ITIH6: variants seen among roughly 807,000 people sequenced by gnomAD.
ITIH6 encodes the protein inter-alpha-trypsin inhibitor heavy chain family member 6.
Under a neutral mutation model 58.2 loss-of-function variants are expected in ITIH6, and 60 were observed. That is an observed-to-expected ratio of 1.03 (90% CI 0.84 to 1.28). The LOEUF is 1.28. Ranked by LOEUF, ITIH6 falls within the 50% of genes most tolerant of loss-of-function variation. The pLI, the probability that ITIH6 is intolerant of heterozygous loss-of-function variation, is 0.00. For missense variants in ITIH6, 1,290 were observed against 1,021.1 expected (o/e 1.26, Z -3.59); for synonymous variants, 493 against 417.4 (o/e 1.18, Z -2.21).
chrX:54,777,386 C>T (rs1356322211), intron 5 of ITIH6, among the ~76,000 whole-genome samples: 1 of 112,768 alleles, frequency 8.9e-6, no homozygotes. Flanking sequence ...AACTCACTAT[C>T]CCAAAGTGAA....
At chrX:54,751,659 A>T (rs1173067456) in intron 11 of ITIH6, among the ~76,000 whole-genome samples, 1 of 112,248 alleles carries the variant, frequency 8.9e-6, no homozygotes, top group Non-Finnish European at 1.9e-5. Context: ...TTATGTTCAT[A>T]TGAGTAAGTC....
chrX:54,790,864 C>T lies in ITIH6; in HGVS notation c.589G>A (p.Gly197Ser), dbSNP rs760884349. 44 of 1,210,925 alleles carry T rather than the reference C, an allele frequency of 3.6e-5. No individual in the cohort carries two copies. Among genetic ancestry groups the T allele is most frequent in the South Asian group, 1.4e-4 (8 of 56,931 alleles). Residue 197 changes from glycine (G) to serine (S), a missense_variant, in exon 4 of 13, where the codon GGC (glycine) becomes AGC (serine). Gly to Ser is a moderately conservative substitution (Grantham distance 56). Coordinates refer to ENST00000218436, the MANE Select transcript of ITIH6 (RefSeq NM_198510.3). ...GCATGGGCATTGGTGCGCAGACGGC[C>T]GGTCCTCAGGGGTGGTATGTGCACA... is the stretch of plus-strand genomic sequence containing the variant. ...SYVHIPPLRT[G>S]RLRTNAHASE...
At chrX:54,753,589 G>T in intron 11 of ITIH6, 62 bp downstream of exon 11, 10 of 813,730 alleles carry the variant, frequency 1.2e-5, no homozygotes, top group South Asian at 2.1e-5. Context: ...CAAATGTCTA[G>T]GGGTATTGAC....
In ITIH6 at chrX:54,749,247, G is replaced by C. The variant is rs992272707; in HGVS notation, c.*648C>G. On this transcript the variant is annotated 3_prime_UTR_variant, in exon 13 of 13. Coordinates refer to ENST00000218436, the MANE Select transcript of ITIH6 (RefSeq NM_198510.3). ...GGGGATACATAGATGATTCAGAAAA[G>C]GTCCTTGCCCTCAAAGATCTCACAG... 1.8e-5 allele frequency: 2 copies of C among 111,509 alleles called. No individual in the cohort carries two copies. Among genetic ancestry groups the C allele is most frequent in the African/African-American group, 6.5e-5 (2 of 30,569 alleles). The allele number at this position is 111,509 out of a possible 1,213,427, so 9.2% of individuals were successfully genotyped here. A position where few individuals can be genotyped will look rare whatever the true frequency, so the allele number is the denominator to read the frequency against.
chrX:54,755,032 C>G lies in ITIH6; in HGVS notation c.3187G>C (p.Val1063Leu), dbSNP rs1928458221. 5 of 1,208,906 alleles carry G rather than the reference C, an allele frequency of 4.1e-6. No individual in the cohort carries two copies. Among genetic ancestry groups the G allele is most frequent in the Middle Eastern group, 2.3e-4 (1 of 4,362 alleles). Residue 1063 changes from valine (V) to leucine (L), a missense_variant, in exon 9 of 13, where the codon GTG becomes CTG. Physicochemically the swap from Val to Leu is conservative, Grantham distance 32. Transcript: ENST00000218436. Reference sequence around the variant, plus strand: ...CCTTGCTCACCTTTTGCTAACCCCACAGAACTTCCTTGAGATTCCATGCTG... The same window carrying G: ...CCTTGCTCACCTTTTGCTAACCCCAGAGAACTTCCTTGAGATTCCATGCTG... ...GGSMESQGSS[V>L]GLAKGTLPSI... is the part of the protein sequence containing the mutation.
At position 54,798,182 on chromosome X, in the gene ITIH6, A is replaced by C; in HGVS notation, c.29T>G (p.Val10Gly). The C allele has an allele frequency of 8.4e-7, 1 of 1,184,586 alleles. No homozygotes were observed. Among genetic ancestry groups the C allele is most frequent in the Non-Finnish European group, 1.1e-6 (1 of 880,665 alleles). The stretch of plus-strand genomic sequence containing the variant: ...AAGAAGAATGGTCAGCAAAAAGCTG[A>C]CACAGATGAGGTACCTCCACCCAGA... MSGWRYLIC[V>G]SFLLTILLEL... The change falls in exon 1 of 13, where the codon GTC becomes GGC. Residue 10 changes from valine to glycine, a missense_variant. Val to Gly is a moderately radical substitution (Grantham distance 109, BLOSUM62 -3). Transcript: ENST00000218436.
In ITIH6 at chrX:54,751,214, G is replaced by A. The variant is rs749481084; in HGVS notation, c.3519C>T (p.Arg1173=). The change falls in exon 12 of 13, where the codon CGC becomes CGT. Residue 1173 remains arginine, a synonymous_variant. Transcript: ENST00000218436. ...GCAGGGCAGGTTGGTCCCAGGACAG[G>A]CGCAAGGTACCCTCGCCTCGCAAAG... is the stretch of plus-strand genomic sequence containing the variant. ...SISLRGEGTL[R]LSWDQPALLK... 1.7e-6 allele frequency: 2 copies of A among 1,211,922 alleles called. No individual in the cohort carries two copies. Among genetic ancestry groups the A allele is most frequent in the Non-Finnish European group, 2.2e-6 (2 of 895,447 alleles).
chrX:54,756,813 CA>C (rs1269319129), intron 8 of ITIH6, 151 bp downstream of exon 8: 11 of 351,045 alleles, frequency 3.1e-5, no homozygotes, highest in Non-Finnish European at 5.4e-5. Flanking sequence ...AGTCCCAAAG[CA>C]AGCAAGCAAG....
chrX:54,761,910 TG>T (rs1928654678), intron 6 of ITIH6, among the ~76,000 whole-genome samples: 1 of 111,909 alleles, frequency 8.9e-6, no homozygotes, highest in Non-Finnish European at 1.9e-5. Flanking sequence ...AAGACTGACT[TG>T]GCAATGTGGG....
chrX:54,784,522 AG>A lies in ITIH6; in HGVS notation c.786+3957del, dbSNP rs748933664. Among the ~76,000 whole-genome samples, 153 of 112,299 alleles carry A rather than the reference AG, an allele frequency of 1.4e-3. 2 individuals carry two copies. Among genetic ancestry groups the A allele is most frequent in the African/African-American group, 4.4e-3 (136 of 30,963 alleles). On this transcript the variant is annotated intron_variant, in intron 5 of 12. Transcript: ENST00000218436. ...AAAAATCTAAAAATCCAATCAAAAAAGGGCAAAAGATTTGAATAGATATTTC... is the reference window on the plus strand; with the variant it reads ...AAAAATCTAAAAATCCAATCAAAAAAGGCAAAAGATTTGAATAGATATTTC...
chrX:54,754,026 T>G, intron 9 of ITIH6, 61 bp from the exon 10 acceptor site: 1 of 1,105,666 alleles, frequency 9.0e-7, no homozygotes, highest in South Asian at 1.9e-5. Context: ...CTAGGAATTC[T>G]GGGACATACT....
intron 6 of ITIH6, among the ~76,000 whole-genome samples, chrX:54,771,230 A>G (rs542496240): frequency 4.5e-5 from 5 of 111,831 alleles, no homozygotes; most frequent in African/African-American, 1.6e-4. Flanking sequence ...GGTGTGCATA[A>G]TTTATTTTGG....
intron 6 of ITIH6, among the ~76,000 whole-genome samples, chrX:54,763,819 C>T (rs1341100855): frequency 8.9e-6 from 1 of 111,986 alleles, no homozygotes; most frequent in African/African-American, 3.2e-5. Flanking sequence ...CTTCCAGTTT[C>T]GTCAGTTTTT....
chrX:54,760,554 A>G (rs1292453257), intron 6 of ITIH6, among the ~76,000 whole-genome samples: 1 of 111,300 alleles, frequency 9.0e-6, no homozygotes, highest in Non-Finnish European at 1.9e-5. Context: ...CTCGTCATTT[A>G]CATTAGGTAT....
chrX:54,782,403 C>T (rs1453416889), intron 5 of ITIH6, among the ~76,000 whole-genome samples: 2 of 110,545 alleles, frequency 1.8e-5, no homozygotes, highest in African/African-American at 3.3e-5. Flanking sequence ...GCAACAAGAG[C>T]GAAACTCTGT....
intron 9 of ITIH6, among the ~76,000 whole-genome samples, chrX:54,754,337 A>C (rs1928442175): frequency 8.9e-6 from 1 of 111,988 alleles, no homozygotes; most frequent in African/African-American, 3.2e-5. Context: ...CTTGGTGTAC[A>C]CACTCTGTAA....
rs770141238 is a variant in ITIH6, at chrX:54,770,244, T to C, written c.903+3837A>G. Among the ~76,000 whole-genome samples the C allele has an allele frequency of 1.7e-3, 189 of 112,653 alleles. 1 individual carries two copies. Among genetic ancestry groups the C allele is most frequent in the African/African-American group, 4.8e-3 (149 of 31,082 alleles). The stretch of plus-strand genomic sequence containing the variant: ...GCCTCGCCCTGCTTCGGCTCGCGCA[T>C]GGTGCGCGCACCCACTGGCCTGCGC... On this transcript the variant is annotated intron_variant, in intron 6 of 12. Coordinates refer to ENST00000218436, the MANE Select transcript of ITIH6 (RefSeq NM_198510.3).
chrX:54,750,893 G>T, intron 12 of ITIH6, 110 bp downstream of exon 12: 1 of 823,683 alleles, frequency 1.2e-6, no homozygotes, highest in Non-Finnish European at 1.7e-6. Context: ...CAAGGGAAGA[G>T]TCTGTTGCTG....
chrX:54,758,208 T>C lies in ITIH6; in HGVS notation c.1866A>G (p.Arg622=). 8.3e-7 allele frequency: 1 copy of C among 1,210,839 alleles called. No homozygotes were observed. The highest frequency in any genetic ancestry group is 1.8e-5 in the South Asian group (1 of 56,784). Reference sequence around the variant, plus strand: ...CTGGCCCAGCAGAGGTGGAAGTCTGTCTCCTGGTCTCCTCACTGGCCTGTT... The same window carrying C: ...CTGGCCCAGCAGAGGTGGAAGTCTGCCTCCTGGTCTCCTCACTGGCCTGTT... ...QPKQASEETR[R]QTSTSAGPDT... The change falls in exon 8 of 13, where the codon AGA becomes AGG. Residue 622 remains arginine, a synonymous_variant. Coordinates refer to ENST00000218436, the MANE Select transcript of ITIH6 (RefSeq NM_198510.3).
Sources: allele counts gnomAD v4.1 joint callset (sites outside exome capture counted in the v4.1 genomes callset), GRCh38; gene constraint gnomAD v4.1.1; transcripts MANE v1.5; gene names NCBI Gene and HGNC (gene_info 2026-07-23, HGNC 2026-07-21).